The following EMC8 variants were observed in gnomAD, a reference collection of about 807,000 sequenced individuals.
The protein encoded by EMC8 is COX4 neighbor.
In EMC8, 11 loss-of-function variants were observed where a neutral mutation model predicts 24.3. The observed-to-expected ratio is 0.45, with a 90% CI of 0.28 to 0.75. The LOEUF is 0.75. Among genes scored for constraint, EMC8 ranks in the 30% least tolerant of loss-of-function variants. The pLI, the probability that EMC8 is intolerant of heterozygous loss-of-function variation, is 0.12. For missense variants in EMC8, 277 were observed against 282.7 expected (o/e 0.98, Z 0.14); for synonymous variants, 145 against 117.7 (o/e 1.23, Z -1.50).
At chr16:85,790,758 TCA>T (rs565119675) in intron 1 of EMC8, among the ~76,000 whole-genome samples, 5 of 152,196 alleles carry the variant, frequency 3.3e-5, no homozygotes, top group Non-Finnish European at 7.3e-5. Flanking sequence ...GCCCTTATTT[TCA>T]CAGTCAGATT....
chr16:85,787,231 A>C (rs555226754), intron 2 of EMC8, among the ~76,000 whole-genome samples: 8 of 152,040 alleles, frequency 5.3e-5, no homozygotes, highest in Non-Finnish European at 1.2e-4. Flanking sequence ...TGTCCCCCCA[A>C]CCAGGAATGC....
chr16:85,796,947 A>T (rs1261363117), intron 1 of EMC8, among the ~76,000 whole-genome samples: 1 of 152,204 alleles, frequency 6.6e-6, no homozygotes, highest in Non-Finnish European at 1.5e-5. Context: ...ACTGTGTTTC[A>T]TCCACAGCCA....
intron 1 of EMC8, among the ~76,000 whole-genome samples, chr16:85,793,922 A>G (rs914455554): frequency 2.0e-5 from 3 of 152,250 alleles, no homozygotes; most frequent in African/African-American, 7.2e-5. Flanking sequence ...AAAAACATAA[A>G]AAGCATGCAA....
chr16:85,781,644 G>C, intron 2 of EMC8: 2 of 201,220 alleles, frequency 9.9e-6, no homozygotes, highest in Non-Finnish European at 9.9e-6. Flanking sequence ...TAGAGAGGAG[G>C]TATTGCTATG....
chr16:85,788,827 C>G lies in EMC8; in HGVS notation c.308+147G>C, dbSNP rs150440336. The G allele has an allele frequency of 6.8e-3, 4,532 of 667,982 alleles. 23 individuals are homozygous for G. The highest frequency in any genetic ancestry group is 0.027 in the Middle Eastern group (95 of 3,554). The allele number at this position is 667,982 out of a possible 1,614,324, so 41.4% of individuals were successfully genotyped here. A position where few individuals can be genotyped will look rare whatever the true frequency, so the allele number is the denominator to read the frequency against. ...CTGTTGTTTGGAATTATCCACACCA[C>G]AGTTCGCCTCAAATACTACAAATAA... On this transcript the variant is annotated intron_variant, in intron 2 of 4. Transcript: ENST00000253457.
chr16:85,781,392 G>C, intron 2 of EMC8, 112 bp from the exon 3 acceptor site: 1 of 745,948 alleles, frequency 1.3e-6, no homozygotes, highest in Non-Finnish European at 2.4e-6. Context: ...GACTGGCAGA[G>C]CCAACAGGCT....
Position 85,779,814 on chromosome 16 carries a change from T to C in EMC8, c.527A>G (p.Asp176Gly). The change falls in exon 5 of 5, where the codon GAC becomes GGC. Residue 176 changes from aspartate (D) to glycine (G), a missense_variant. Physicochemically the swap from Asp to Gly is moderately conservative, Grantham distance 94 (BLOSUM62 -1). Transcript: ENST00000253457. ...CACGAGCGTCTCGTAGGACCGGCTG[T>C]CCAGGAGCGAGGCTGAGATCCTCTG... ...EAQRISASLL[D>G]SRSYETLVDF... The C allele has an allele frequency of 1.2e-6, 2 of 1,614,204 alleles. No individual in the cohort carries two copies. Among genetic ancestry groups the C allele is most frequent in the Middle Eastern group, 1.6e-4 (1 of 6,062 alleles).
intron 3 of EMC8, chr16:85,780,674 A>G: frequency 3.4e-6 from 2 of 582,978 alleles, no homozygotes; most frequent in Middle Eastern, 4.6e-4. Flanking sequence ...CAAGTCCTTC[A>G]TTGTTTTTTC....
intron 1 of EMC8, among the ~76,000 whole-genome samples, chr16:85,798,270 C>T (rs540872431): frequency 6.6e-6 from 1 of 151,796 alleles, no homozygotes; most frequent in African/African-American, 2.4e-5. Flanking sequence ...GACAGGCGCC[C>T]GCCACCACGC....
At position 85,778,694 on chromosome 16, in the gene EMC8, T is replaced by C. The variant is rs1567824052; in HGVS notation, c.*1014A>G. The C allele has an allele frequency of 6.6e-6, 1 of 152,170 alleles. No individual in the cohort carries two copies. The highest frequency in any genetic ancestry group is 6.5e-5 in the Admixed American group (1 of 15,278). The allele number at this position is 152,170 out of a possible 1,614,324, so 9.4% of individuals were successfully genotyped here. ...TTTTTTCCTATGTGTTAAGAGAAAATAGTGACCGCTGTATCACAAACCCTT... is the reference window on the plus strand; with the variant it reads ...TTTTTTCCTATGTGTTAAGAGAAAACAGTGACCGCTGTATCACAAACCCTT... On this transcript the variant is annotated 3_prime_UTR_variant, in exon 5 of 5. Coordinates refer to ENST00000253457, the MANE Select transcript of EMC8 (RefSeq NM_006067.5).
At chr16:85,797,732 A>C (rs1426532104) in intron 1 of EMC8, among the ~76,000 whole-genome samples, 1 of 152,168 alleles carries the variant, frequency 6.6e-6, no homozygotes, top group Non-Finnish European at 1.5e-5. Context: ...TACTTGGTGG[A>C]GGAGGGACAC....
chr16:85,789,378 A>G (rs1416357574), intron 1 of EMC8, among the ~76,000 whole-genome samples: 1 of 152,214 alleles, frequency 6.6e-6, no homozygotes, highest in African/African-American at 2.4e-5. Context: ...GGGCTTTAGA[A>G]ATGCTTAAAA....
rs2233453 is a variant in EMC8, at chr16:85,788,955, G to A, written c.308+19C>T. On this transcript the variant is annotated intron_variant, in intron 2 of 4. Transcript: ENST00000253457. Reference sequence around the variant, plus strand: ...ACGTGCTCACTTCCTCGCCCACAGAGGGTTCTGCATCCACGTACCTGGCAT... The same window carrying A: ...ACGTGCTCACTTCCTCGCCCACAGAAGGTTCTGCATCCACGTACCTGGCAT... 16 of 1,586,676 alleles carry A rather than the reference G, an allele frequency of 1.0e-5. No homozygotes were observed. Among genetic ancestry groups the A allele is most frequent in the Middle Eastern group, 1.7e-4 (1 of 6,018 alleles).
chr16:85,798,120 T>G (rs1005503582), intron 1 of EMC8, among the ~76,000 whole-genome samples: 2 of 137,680 alleles, frequency 1.5e-5, no homozygotes, highest in African/African-American at 5.6e-5. Context: ...ATTCGTTTTT[T>G]TTTTTTTTTT....
At chr16:85,786,792 C>T (rs1355106484) in intron 2 of EMC8, among the ~76,000 whole-genome samples, 1 of 152,154 alleles carries the variant, frequency 6.6e-6, no homozygotes, top group Non-Finnish European at 1.5e-5. Flanking sequence ...TAGGATAATT[C>T]CAGGCTGGGC....
At chr16:85,787,951 T>G (rs867775895) in intron 2 of EMC8, among the ~76,000 whole-genome samples, 1 of 152,212 alleles carries the variant, frequency 6.6e-6, no homozygotes, top group Admixed American at 6.5e-5. Flanking sequence ...CCAAAGTGCT[T>G]GAGCTCACCT....
intron 2 of EMC8, chr16:85,787,608 A>G (rs1459170826): frequency 2.6e-5 from 4 of 152,340 alleles, no homozygotes. Flanking sequence ...GATATCAAAC[A>G]GAGGACATCC....
At chr16:85,783,952 A>G (rs1199737535) in intron 2 of EMC8, among the ~76,000 whole-genome samples, 1 of 152,162 alleles carries the variant, frequency 6.6e-6, no homozygotes, top group Non-Finnish European at 1.5e-5. Flanking sequence ...GCCCTGCACA[A>G]TCAAGGCTTT....
chr16:85,791,623 C>T (rs562279266), intron 1 of EMC8, among the ~76,000 whole-genome samples: 26 of 152,324 alleles, frequency 1.7e-4, no homozygotes, highest in African/African-American at 6.0e-4. Context: ...AATTTTTTAT[C>T]TTACTGGTCA....
Sources: gnomAD v4.1 joint callset for allele counts (sites outside exome capture counted in the v4.1 genomes callset) on GRCh38, gnomAD v4.1.1 for gene constraint, MANE v1.5 for transcripts, NCBI Gene and HGNC (gene_info 2026-07-23, HGNC 2026-07-21) for gene names.